The following GULP1 variants were observed in gnomAD, a reference collection of about 807,000 sequenced individuals.
GULP1 encodes the protein PTB domain-containing engulfment adapter protein 1.
Under a neutral mutation model 40.9 loss-of-function variants are expected in GULP1, and 19 were observed. The ratio of observed to expected loss-of-function variants is 0.46; its 90% CI spans 0.32 to 0.68. GULP1 has a LOEUF of 0.68. GULP1 is among the 30% of genes least tolerant of loss of function. GULP1 has a pLI of 0.03. For missense variants in GULP1, 312 were observed against 362.2 expected (o/e 0.86, Z 1.12); for synonymous variants, 119 against 117.6 (o/e 1.01, Z -0.08).
intron 11 of GULP1, chr2:188,592,462 A>T (rs1279130901): frequency 6.6e-6 from 1 of 152,052 alleles, no homozygotes; most frequent in African/African-American, 2.4e-5. Context: ...ATATAAATAA[A>T]TATGGCAAAA....
chr2:188,590,589 G>A (rs1352460940), intron 11 of GULP1: 1 of 152,152 alleles, frequency 6.6e-6, no homozygotes, highest in African/African-American at 2.4e-5. Flanking sequence ...TCTCATGCAT[G>A]TAAGCATTTA....
At chr2:188,351,855 T>C (rs1440330235) in intron 1 of GULP1, among the ~76,000 whole-genome samples, 2 of 152,202 alleles carry the variant, frequency 1.3e-5, no homozygotes, top group African/African-American at 2.4e-5. Context: ...ATTCAGTAAA[T>C]ATTTGCTTCA....
chr2:188,299,567 A>T (rs993838935), intron 1 of GULP1, among the ~76,000 whole-genome samples: 1 of 152,350 alleles, frequency 6.6e-6, no homozygotes, highest in East Asian at 1.9e-4. Context: ...TCTGCAAATA[A>T]AGAGATTCTG....
intron 1 of GULP1, among the ~76,000 whole-genome samples, chr2:188,325,603 G>C (rs1013444342): frequency 1.3e-5 from 2 of 151,772 alleles, no homozygotes; most frequent in Non-Finnish European, 2.9e-5. Context: ...TTAATTTATA[G>C]GACCACTATG....
At chr2:188,591,381 T>G (rs910061636) in intron 11 of GULP1, 3 of 152,174 alleles carry the variant, frequency 2.0e-5, no homozygotes, top group South Asian at 2.1e-4. Flanking sequence ...GGGTAGCTTG[T>G]TATTAATACT....
intron 2 of GULP1, among the ~76,000 whole-genome samples, chr2:188,408,512 T>C (rs1269824997): frequency 2.0e-5 from 3 of 152,160 alleles, no homozygotes; most frequent in Admixed American, 6.5e-5. Flanking sequence ...AGCACTTAAA[T>C]ATATGAAGCA....
At chr2:188,532,753 TAAAA>T (rs5837093) in intron 6 of GULP1, among the ~76,000 whole-genome samples, 1 of 125,790 alleles carries the variant, frequency 7.9e-6, no homozygotes, top group Non-Finnish European at 1.6e-5. Context: ...CTGTCTCTAC[TAAAA>T]AAAAAAAAAA....
At chr2:188,489,735 G>A (rs2062183451) in intron 4 of GULP1, among the ~76,000 whole-genome samples, 1 of 151,954 alleles carries the variant, frequency 6.6e-6, no homozygotes, top group Non-Finnish European at 1.5e-5. Flanking sequence ...TCTGTAAAAT[G>A]TTACCTTTCC....
chr2:188,569,204 A>T (rs1336977798), intron 7 of GULP1, 35 bp from the exon 8 acceptor site: 2 of 1,041,196 alleles, frequency 1.9e-6, no homozygotes, highest in South Asian at 2.6e-5. Context: ...TTGACATATT[A>T]TTAAAATGCA....
rs1418148169 is a variant in GULP1, at chr2:188,420,967, G to T, written c.-45+37078G>T. Among the ~76,000 whole-genome samples the T allele has an allele frequency of 2.6e-5, 4 of 152,078 alleles. No homozygotes were observed. In the South Asian group the frequency reaches 6.2e-4, roughly 24 times the overall value. On this transcript the variant is annotated intron_variant, in intron 2 of 11. Transcript: ENST00000409830. ...ATTTGTCTGTCTCCTGTCGCTATCAGTACTATTATAAATAAGATCATTTTC... is the reference window on the plus strand; with the variant it reads ...ATTTGTCTGTCTCCTGTCGCTATCATTACTATTATAAATAAGATCATTTTC...
chr2:188,461,516 G>A (rs1395833950), intron 2 of GULP1, among the ~76,000 whole-genome samples: 1 of 151,510 alleles, frequency 6.6e-6, no homozygotes, highest in Non-Finnish European at 1.5e-5. Context: ...GATGGGTCAG[G>A]CTGGACTCAA....
chr2:188,375,757 C>T (rs955137578), intron 1 of GULP1, among the ~76,000 whole-genome samples: 29 of 152,090 alleles, frequency 1.9e-4, no homozygotes, highest in Non-Finnish European at 8.8e-5. Context: ...ACAATTTCAT[C>T]TTCTAAATGA....
intron 7 of GULP1, among the ~76,000 whole-genome samples, chr2:188,568,360 T>C (rs1443024119): frequency 6.6e-6 from 1 of 152,208 alleles, no homozygotes; most frequent in Non-Finnish European, 1.5e-5. Flanking sequence ...CAAAATTCTT[T>C]ATAATGTTGA....
At chr2:188,458,687 T>C (rs1449332198) in intron 2 of GULP1, among the ~76,000 whole-genome samples, 1 of 152,162 alleles carries the variant, frequency 6.6e-6, no homozygotes, top group East Asian at 1.9e-4. Flanking sequence ...AACAATCTTA[T>C]TATACTCTTA....
chr2:188,429,910 C>T (rs1287850038), intron 2 of GULP1, among the ~76,000 whole-genome samples: 5 of 151,922 alleles, frequency 3.3e-5, no homozygotes, highest in South Asian at 2.1e-4. Context: ...GGGGTTTCAC[C>T]GTGTTAGCCA....
intron 1 of GULP1, among the ~76,000 whole-genome samples, chr2:188,335,786 A>T (rs10460383): frequency 0.77 from 117,311 of 152,128 alleles, 46,069 homozygotes; most frequent in East Asian, 0.95. Flanking sequence ...ATTGAAATGC[A>T]GTTAGCATTA....
intron 7 of GULP1, among the ~76,000 whole-genome samples, chr2:188,563,916 T>C (rs1271163043): frequency 6.6e-6 from 1 of 151,912 alleles, no homozygotes; most frequent in African/African-American, 2.4e-5. Context: ...ATATATAAAA[T>C]AGATAGTACA....
At chr2:188,352,614 T>A (rs866642211) in intron 1 of GULP1, among the ~76,000 whole-genome samples, 5,651 of 59,540 alleles carry the variant, frequency 0.095, 145 homozygotes, top group Non-Finnish European at 0.11. Flanking sequence ...TCTCTCTCTC[T>A]CTCTCACACA....
rs79279572 is a variant in GULP1 at position 188,548,306 on chromosome 2, A to G, written c.399+6988A>G. On this transcript the variant is annotated intron_variant, in intron 7 of 11. Transcript: ENST00000409830. ...ATACATAATTAACATACATGGATCA[A>G]TTGTATTGCTGTATACTAGTAGTGA... Among the ~76,000 whole-genome samples, 1,047 of 152,232 alleles carry G rather than the reference A, an allele frequency of 6.9e-3. 6 individuals are homozygous for G. The highest frequency in any genetic ancestry group is 0.011 in the Non-Finnish European group (744 of 67,984).
Sources: allele counts gnomAD v4.1 joint callset (sites outside exome capture counted in the v4.1 genomes callset), GRCh38; gene constraint gnomAD v4.1.1; transcripts MANE v1.5; gene names NCBI Gene and HGNC (gene_info 2026-07-23, HGNC 2026-07-21).